Variants in STAG1 observed in about 807,000 individuals in gnomAD.
STAG1 encodes the protein STAG1 cohesin complex component, also known as cohesin subunit SA-1.
A neutral mutation model predicts 170.9 loss-of-function variants in STAG1; 26 were observed. The observed-to-expected ratio is 0.15, with a 90% CI of 0.11 to 0.21. The LOEUF is 0.21. Ranked by LOEUF, STAG1 falls within the 10% of genes least tolerant of loss-of-function variation. STAG1 has a pLI of 1.00. For synonymous variants in STAG1, 514 were observed against 497.7 expected, an observed-to-expected ratio of 1.03 and a Z score of -0.44; for missense variants, 964 against 1,509.5, an observed-to-expected ratio of 0.64 and a Z score of 5.99.
intron 1 of STAG1, among the ~76,000 whole-genome samples, chr3:136,713,734 A>T (rs995868300): frequency 6.6e-6 from 1 of 152,254 alleles, no homozygotes; most frequent in Non-Finnish European, 1.5e-5. Context: ...CAAAAAATTT[A>T]TAACTTGGCT....
At chr3:136,645,093 T>C (rs1365600233) in intron 1 of STAG1, among the ~76,000 whole-genome samples, 2 of 152,160 alleles carry the variant, frequency 1.3e-5, no homozygotes, top group Non-Finnish European at 1.5e-5. Context: ...ACTGGCTAAA[T>C]AGTGTATGGG....
chr3:136,424,829 A>C (rs1477330508), intron 16 of STAG1, among the ~76,000 whole-genome samples: 1 of 152,060 alleles, frequency 6.6e-6, no homozygotes, highest in African/African-American at 2.4e-5. Context: ...AAGTAATGAG[A>C]TATGCATAAG....
intron 6 of STAG1, among the ~76,000 whole-genome samples, chr3:136,525,141 G>T (rs903508289): frequency 1.3e-5 from 2 of 151,934 alleles, no homozygotes; most frequent in Non-Finnish European, 2.9e-5. Context: ...CCTCTTTTTC[G>T]GTTGATTGGA....
At chr3:136,513,167 C>T (rs990758985) in intron 7 of STAG1, among the ~76,000 whole-genome samples, 1 of 151,948 alleles carries the variant, frequency 6.6e-6, no homozygotes, top group Non-Finnish European at 1.5e-5. Flanking sequence ...ACCAACTGGC[C>T]GACATGGTGA....
intron 5 of STAG1, among the ~76,000 whole-genome samples, chr3:136,545,934 A>G (rs139690535): frequency 5.1e-4 from 78 of 152,318 alleles, no homozygotes; most frequent in African/African-American, 1.9e-3. Flanking sequence ...CATTAAAGTA[A>G]ATGTTTTTAA....
At chr3:136,730,047 C>T (rs1389676791) in intron 1 of STAG1, among the ~76,000 whole-genome samples, 1 of 151,934 alleles carries the variant, frequency 6.6e-6, no homozygotes, top group East Asian at 1.9e-4. Flanking sequence ...TGCCACTACG[C>T]CCGGCTAATT....
intron 4 of STAG1, 50 bp from the exon 5 acceptor site, chr3:136,568,911 T>C (rs1480129160): frequency 2.2e-6 from 3 of 1,370,248 alleles, no homozygotes; most frequent in South Asian, 1.3e-5. Flanking sequence ...TTTGATATTA[T>C]AGCAAATAAA....
chr3:136,741,956 G>A lies in STAG1; in HGVS notation c.-84+10239C>T, dbSNP rs1337593920. Among the ~76,000 whole-genome samples, 4 of 152,092 alleles carry A rather than the reference G, an allele frequency of 2.6e-5. No individual in the cohort carries two copies. In the East Asian group the frequency reaches 7.7e-4, roughly 29 times the overall value. ...GGAAAAGATTATTACCAGAAACAGA[G>A]AGACATTTCATCACAATAAAAAGGT... On this transcript the variant is annotated intron_variant, in intron 1 of 33. Coordinates refer to ENST00000383202, the MANE Select transcript of STAG1 (RefSeq NM_005862.3).
At chr3:136,459,252 G>C (rs1031781970) in intron 13 of STAG1, among the ~76,000 whole-genome samples, 1 of 148,638 alleles carries the variant, frequency 6.7e-6, no homozygotes, top group African/African-American at 2.5e-5. Context: ...GAAAAGAAAA[G>C]AAAAAAAGAC....
chr3:136,343,806 G>C lies in STAG1; in HGVS notation c.3446+26C>G, dbSNP rs754098296. 3.3e-6 allele frequency: 5 copies of C among 1,497,440 alleles called. No homozygotes were observed. In the African/African-American group the frequency reaches 7.1e-5, roughly 21 times the overall value. The allele number at this position is 1,497,440 out of a possible 1,614,324, so 92.8% of individuals were successfully genotyped here. ...TTTACTTTCTTTAAAGGCTTTTTGT[G>C]AAAAAGACAAATTTTTGCTACTTAC... On this transcript the variant is annotated intron_variant, in intron 30 of 33. Coordinates refer to ENST00000383202, the MANE Select transcript of STAG1 (RefSeq NM_005862.3).
intron 24 of STAG1, among the ~76,000 whole-genome samples, chr3:136,367,338 G>A (rs1028847862): frequency 1.3e-5 from 2 of 151,958 alleles, no homozygotes; most frequent in Admixed American, 6.6e-5. Flanking sequence ...AATAAGATAA[G>A]CAAACCATGT....
In STAG1 at chr3:136,337,901, A is replaced by G. The variant is rs1026897551; in HGVS notation, c.*353T>C. 4.0e-5 allele frequency: 8 copies of G among 200,432 alleles called. No individual in the cohort carries two copies. The highest frequency in any genetic ancestry group is 6.0e-5 in the Non-Finnish European group (6 of 100,300). The allele number at this position is 200,432 out of a possible 1,614,324, so 12.4% of individuals were successfully genotyped here. On this transcript the variant is annotated 3_prime_UTR_variant, in exon 34 of 34. Transcript: ENST00000383202. Reference sequence around the variant, plus strand: ...TTAAAAATATGTTTTTTTTTACTCAATGTTGAGTTTTCATAAAACAGGTGT... The same window carrying G: ...TTAAAAATATGTTTTTTTTTACTCAGTGTTGAGTTTTCATAAAACAGGTGT...
chr3:136,722,855 C>T (rs2107931199), intron 1 of STAG1, among the ~76,000 whole-genome samples: 1 of 152,320 alleles, frequency 6.6e-6, no homozygotes, highest in Middle Eastern at 3.4e-3. Flanking sequence ...CCACGCCTGA[C>T]TGGTTTTCGT....
intron 9 of STAG1, among the ~76,000 whole-genome samples, chr3:136,499,524 A>G (rs184252640): frequency 6.6e-6 from 1 of 152,316 alleles, no homozygotes; most frequent in Admixed American, 6.5e-5. Context: ...TCTATTTATT[A>G]TCTTTGTCTA....
chr3:136,465,017 C>A, intron 12 of STAG1, 29 bp from the exon 13 acceptor site: 6 of 1,504,492 alleles, frequency 4.0e-6, no homozygotes, highest in Non-Finnish European at 4.5e-6. Flanking sequence ...AACATCTGAT[C>A]TAAAGCAAAT....
At chr3:136,453,638 G>C (rs1403508327) in intron 13 of STAG1, among the ~76,000 whole-genome samples, 1 of 150,932 alleles carries the variant, frequency 6.6e-6, no homozygotes, top group East Asian at 1.9e-4. Flanking sequence ...TCTAGGCATT[G>C]CTCTAGGTAA....
At chr3:136,451,887 G>C (rs995974603) in intron 14 of STAG1, 146 bp downstream of exon 14, 4 of 580,650 alleles carry the variant, frequency 6.9e-6, no homozygotes, top group Non-Finnish European at 1.2e-5. Flanking sequence ...AAAAGGTAAA[G>C]GACTGATTCT....
At chr3:136,607,379 G>T (rs1470230091) in intron 3 of STAG1, among the ~76,000 whole-genome samples, 1 of 151,878 alleles carries the variant, frequency 6.6e-6, no homozygotes, top group Non-Finnish European at 1.5e-5. Flanking sequence ...TATACTTGGG[G>T]TTCTAATTCA....
intron 1 of STAG1, among the ~76,000 whole-genome samples, chr3:136,681,977 C>T (rs923117064): frequency 6.6e-6 from 1 of 151,962 alleles, no homozygotes; most frequent in Non-Finnish European, 1.5e-5. Context: ...GCAAGGATGG[C>T]CACAGTCACC....
Sources: gnomAD v4.1 joint callset for allele counts (sites outside exome capture counted in the v4.1 genomes callset) on GRCh38, gnomAD v4.1.1 for gene constraint, MANE v1.5 for transcripts, NCBI Gene and HGNC (gene_info 2026-07-23, HGNC 2026-07-21) for gene names.